KHDRBS2: variants seen among roughly 807,000 people sequenced by gnomAD.
KHDRBS2 encodes the protein KH domain-containing, RNA-binding, signal transduction-associated protein 2.
A neutral mutation model predicts 44.3 loss-of-function variants in KHDRBS2; 26 were observed. The ratio of observed to expected loss-of-function variants is 0.59; its 90% CI spans 0.43 to 0.81. The LOEUF (loss-of-function observed/expected upper bound fraction) is 0.81. Among genes scored for constraint, KHDRBS2 ranks in the 40% least tolerant of loss-of-function variants. The pLI is 0.00. For missense variants in KHDRBS2, 476 were observed against 433.1 expected (o/e 1.10, Z -0.88); for synonymous variants, 194 against 151.1 (o/e 1.28, Z -2.08).
At position 61,965,205 on chromosome 6, in the gene KHDRBS2, G is replaced by T. The variant is rs111826384; in HGVS notation, c.483+12861C>A. Reference sequence around the variant, plus strand: ...GGCTTATGGTTTGCCATGTGCCAGGGGCCAATTTCAGGGCACTTGAAACAT... The same window carrying T: ...GGCTTATGGTTTGCCATGTGCCAGGTGCCAATTTCAGGGCACTTGAAACAT... On this transcript the variant is annotated intron_variant, in intron 4 of 8. Coordinates refer to ENST00000281156, the MANE Select transcript of KHDRBS2 (RefSeq NM_152688.4). 5.3e-5 allele frequency among the ~76,000 whole-genome samples: 8 copies of T among 152,062 alleles called. 1 individual carries two copies. The highest frequency in any genetic ancestry group is 3.3e-4 in the Admixed American group (5 of 15,254).
At chr6:62,062,097 A>G (rs1018871478) in intron 2 of KHDRBS2, among the ~76,000 whole-genome samples, 4 of 150,120 alleles carry the variant, frequency 2.7e-5, no homozygotes, top group East Asian at 2.0e-4. Flanking sequence ...ATATATATGC[A>G]CCCAATACAG....
intron 1 of KHDRBS2, among the ~76,000 whole-genome samples, chr6:62,187,820 C>T (rs760915337): frequency 6.6e-6 from 1 of 152,030 alleles, no homozygotes; most frequent in Non-Finnish European, 1.5e-5. Context: ...TACTATGTTG[C>T]ACAGCAGTAT....
chr6:62,064,752 A>G (rs991594498), intron 2 of KHDRBS2, among the ~76,000 whole-genome samples: 2 of 152,154 alleles, frequency 1.3e-5, no homozygotes, highest in Non-Finnish European at 2.9e-5. Context: ...CACCAAAAGC[A>G]ATGGCAACAA....
the KHDRBS2 span, among the ~76,000 whole-genome samples, chr6:61,648,014 A>T: frequency 1.3e-5 from 2 of 152,094 alleles, no homozygotes; most frequent in Non-Finnish European, 2.9e-5. Flanking sequence ...AAAGTAAAAA[A>T]ATAACAGCAC....
intron 7 of KHDRBS2, among the ~76,000 whole-genome samples, chr6:61,699,379 A>C (rs1208751441): frequency 1.3e-5 from 2 of 152,016 alleles, no homozygotes; most frequent in Non-Finnish European, 2.9e-5. Flanking sequence ...CTTCAAATAC[A>C]CTTCTTGGTT....
chr6:61,808,251 G>T (rs1266448379), intron 6 of KHDRBS2, among the ~76,000 whole-genome samples: 2 of 151,956 alleles, frequency 1.3e-5, no homozygotes, highest in African/African-American at 4.8e-5. Context: ...ATTTTCAAGG[G>T]ACAATCACAT....
At chr6:62,111,299 G>A (rs1445332861) in intron 2 of KHDRBS2, among the ~76,000 whole-genome samples, 1 of 152,030 alleles carries the variant, frequency 6.6e-6, no homozygotes, top group Non-Finnish European at 1.5e-5. Context: ...ATCATTTTTA[G>A]AATACTGAAA....
In KHDRBS2 at chr6:61,745,922, T is replaced by C. The variant is rs1313717387; in HGVS notation, c.811-13158A>G. Among the ~76,000 whole-genome samples, 4 of 152,282 alleles carry C rather than the reference T, an allele frequency of 2.6e-5. No individual in the cohort carries two copies. In the East Asian group the frequency reaches 7.7e-4, roughly 29 times the overall value. On this transcript the variant is annotated intron_variant, in intron 6 of 8. Transcript: ENST00000281156. ...GATAATTGTGTTCTCCTTAACTATA[T>C]TGTCCTTAAGAATAAAGAGTGCGTG...
chr6:61,559,499 T>C, the KHDRBS2 span, among the ~76,000 whole-genome samples: 459 of 152,254 alleles, frequency 3.0e-3, 4 homozygotes, highest in African/African-American at 0.011. Flanking sequence ...CTCTTCTTTC[T>C]GGTCTTCATT....
intron 2 of KHDRBS2, among the ~76,000 whole-genome samples, chr6:62,089,577 A>G (rs1346465504): frequency 2.6e-5 from 4 of 151,696 alleles, no homozygotes; most frequent in Non-Finnish European, 5.9e-5. Context: ...ACCAGTCCCA[A>G]TGAGATGAAC....
intron 6 of KHDRBS2, among the ~76,000 whole-genome samples, chr6:61,783,466 A>T (rs566486125): frequency 3.9e-5 from 6 of 152,134 alleles, no homozygotes; most frequent in Non-Finnish European, 8.8e-5. Context: ...TCTAGCATGT[A>T]GCAAGCACTC....
chr6:62,101,041 A>G (rs533672141), intron 2 of KHDRBS2, among the ~76,000 whole-genome samples: 21 of 152,208 alleles, frequency 1.4e-4, no homozygotes, highest in Non-Finnish European at 2.9e-4. Flanking sequence ...CATGAATTTT[A>G]AACTCTTTTT....
intron 6 of KHDRBS2, among the ~76,000 whole-genome samples, chr6:61,845,818 C>T (rs917282791): frequency 2.0e-5 from 3 of 152,156 alleles, no homozygotes; most frequent in African/African-American, 7.2e-5. Flanking sequence ...TTCTTTACTA[C>T]AATTGTAACT....
chr6:61,844,881 C>A (rs1371070519), intron 6 of KHDRBS2, among the ~76,000 whole-genome samples: 1 of 152,034 alleles, frequency 6.6e-6, no homozygotes, highest in Non-Finnish European at 1.5e-5. Flanking sequence ...AATACAGCAC[C>A]TTACACTTGA....
intron 6 of KHDRBS2, among the ~76,000 whole-genome samples, chr6:61,754,204 T>C (rs1386375053): frequency 6.6e-6 from 1 of 152,142 alleles, no homozygotes. Flanking sequence ...GCTGGAGTTC[T>C]CGGCAAGCTG....
At chr6:61,990,324 A>G (rs1775889364) in intron 3 of KHDRBS2, among the ~76,000 whole-genome samples, 1 of 152,234 alleles carries the variant, frequency 6.6e-6, no homozygotes, top group Non-Finnish European at 1.5e-5. Context: ...TAGACCCAGG[A>G]AAGTTAATAT....
At chr6:61,746,609 T>G (rs113136511) in intron 6 of KHDRBS2, among the ~76,000 whole-genome samples, 2 of 152,300 alleles carry the variant, frequency 1.3e-5, no homozygotes, top group African/African-American at 4.8e-5. Context: ...AGTGCTTCAA[T>G]AAACATACAT....
At chr6:61,955,774 C>G (rs1562522801) in intron 4 of KHDRBS2, among the ~76,000 whole-genome samples, 1 of 151,722 alleles carries the variant, frequency 6.6e-6, no homozygotes, top group African/African-American at 2.4e-5. Context: ...AATGTAACCA[C>G]TGGCATTTAC....
At chr6:61,901,796 A>G (rs1444076549) in intron 4 of KHDRBS2, among the ~76,000 whole-genome samples, 1 of 152,214 alleles carries the variant, frequency 6.6e-6, no homozygotes, top group African/African-American at 2.4e-5. Context: ...CTTCTGATGC[A>G]TAAACAAAAA....
Sources: allele counts gnomAD v4.1 joint callset (sites outside exome capture counted in the v4.1 genomes callset), GRCh38; gene constraint gnomAD v4.1.1; transcripts MANE v1.5; gene names NCBI Gene and HGNC (gene_info 2026-07-23, HGNC 2026-07-21).